FAT3: variants seen among roughly 807,000 people sequenced by gnomAD.
FAT3 encodes FAT atypical cadherin 3.
Under a neutral mutation model 310.2 loss-of-function variants are expected in FAT3, and 95 were observed. That is an observed-to-expected ratio of 0.31 (90% confidence interval 0.26 to 0.36). The LOEUF (loss-of-function observed/expected upper bound fraction) is 0.36. Among genes scored for constraint, FAT3 ranks in the 10% least tolerant of loss-of-function variants. FAT3 has a pLI of 1.00. For synonymous variants in FAT3, 2,314 were observed against 2,192.9 expected, an observed-to-expected ratio of 1.06 and a Z score of -1.54; for missense variants, 5,408 against 5,715.6, an observed-to-expected ratio of 0.95 and a Z score of 1.74.
At chr11:92,776,147 G>A (rs949661621) in intron 7 of FAT3, among the ~76,000 whole-genome samples, 7 of 152,132 alleles carry the variant, frequency 4.6e-5, no homozygotes, top group East Asian at 1.9e-4. Context: ...GCATGAAACC[G>A]TATTCATTTC....
chr11:92,486,129 GGTTTT>G (rs1388540981), intron 2 of FAT3, among the ~76,000 whole-genome samples: 6 of 27,684 alleles, frequency 2.2e-4, no homozygotes, highest in African/African-American at 5.1e-4. Context: ...AGGCTGCTGG[GGTTTT>G]TTTTTTTTTT....
At chr11:92,609,024 GGTTTATGAATGCTGCT>G (rs1940439754) in intron 3 of FAT3, among the ~76,000 whole-genome samples, 2 of 152,152 alleles carry the variant, frequency 1.3e-5, no homozygotes, top group African/African-American at 4.8e-5. Context: ...CTGTGGCCAT[GGTTTATGAATGCTGCT>G]GTTTATGAAT....
chr11:92,285,523 C>G (rs1274457792), intron 1 of FAT3, among the ~76,000 whole-genome samples: 1 of 152,034 alleles, frequency 6.6e-6, no homozygotes, highest in Admixed American at 6.6e-5. Context: ...GGGGAGTATC[C>G]CATTCTTACA....
intron 2 of FAT3, among the ~76,000 whole-genome samples, chr11:92,445,657 A>G (rs945263716): frequency 9.2e-5 from 14 of 152,162 alleles, no homozygotes; most frequent in African/African-American, 1.4e-4. Context: ...TTTGTTTTGC[A>G]TATATGAGTG....
intron 3 of FAT3, among the ~76,000 whole-genome samples, chr11:92,544,986 T>C (rs1213868002): frequency 1.3e-5 from 2 of 152,198 alleles, no homozygotes; most frequent in Non-Finnish European, 2.9e-5. Flanking sequence ...TTGGTGTCTG[T>C]CAAAGCCTCT....
intron 4 of FAT3, among the ~76,000 whole-genome samples, chr11:92,727,141 T>A (rs548877674): frequency 6.6e-6 from 1 of 152,342 alleles, no homozygotes; most frequent in African/African-American, 2.4e-5. Flanking sequence ...TTTAGCACAT[T>A]GATTTTTGGC....
chr11:92,355,505 A>G, intron 2 of FAT3, 101 bp downstream of exon 2: 1 of 1,201,068 alleles, frequency 8.3e-7, no homozygotes, highest in Non-Finnish European at 1.2e-6. Flanking sequence ...AGAATGACAA[A>G]TGAGGTTGCA....
At chr11:92,568,322 A>T (rs988690917) in intron 3 of FAT3, among the ~76,000 whole-genome samples, 2 of 152,176 alleles carry the variant, frequency 1.3e-5, no homozygotes, top group African/African-American at 4.8e-5. Context: ...TTGTCCCTTT[A>T]TCCATGAATT....
intron 1 of FAT3, among the ~76,000 whole-genome samples, chr11:92,254,785 A>G (rs1865251917): frequency 6.6e-6 from 1 of 152,020 alleles, no homozygotes; most frequent in African/African-American, 2.4e-5. Flanking sequence ...GGCTCACTGC[A>G]ACCTCCCCCT....
chr11:92,619,591 T>A (rs778400000), intron 3 of FAT3, among the ~76,000 whole-genome samples: 1 of 152,162 alleles, frequency 6.6e-6, no homozygotes, highest in Non-Finnish European at 1.5e-5. Flanking sequence ...CTGAGTCAAG[T>A]TTGGTATTTT....
chr11:92,625,335 G>A (rs1941280347), intron 3 of FAT3, among the ~76,000 whole-genome samples: 1 of 152,140 alleles, frequency 6.6e-6, no homozygotes, highest in Non-Finnish European at 1.5e-5. Context: ...GGAGGAGTGG[G>A]GCTCTGAAGA....
chr11:92,549,444 A>G (rs1954726253), intron 3 of FAT3, among the ~76,000 whole-genome samples: 1 of 152,234 alleles, frequency 6.6e-6, no homozygotes, highest in Non-Finnish European at 1.5e-5. Context: ...TTCAGCAGTC[A>G]TTGAAGTACC....
chr11:92,270,754 CCACTTAGAT>C lies in FAT3; in HGVS notation c.-18+45581_-18+45589del, dbSNP rs1433193524. Among the ~76,000 whole-genome samples, 4 of 151,862 alleles carry C rather than the reference CCACTTAGAT, an allele frequency of 2.6e-5. No individual in the cohort carries two copies. In the East Asian group the frequency reaches 7.8e-4, roughly 29 times the overall value. On this transcript the variant is annotated intron_variant, in intron 1 of 27. Transcript: ENST00000525166. Reference sequence around the variant, plus strand: ...TAAATCTATATATCCAATTGGACTCCCACTTAGATATTTGAGAAATATCATATACATACA... The same window carrying C: ...TAAATCTATATATCCAATTGGACTCCATTTGAGAAATATCATATACATACA...
chr11:92,664,847 C>T (rs1942901972), intron 3 of FAT3, among the ~76,000 whole-genome samples: 1 of 152,190 alleles, frequency 6.6e-6, no homozygotes, highest in Admixed American at 6.5e-5. Context: ...GAATTCCTCA[C>T]TTTCTATTTA....
intron 1 of FAT3, among the ~76,000 whole-genome samples, chr11:92,227,045 G>A (rs531512045): frequency 6.6e-6 from 1 of 152,332 alleles, no homozygotes; most frequent in African/African-American, 2.4e-5. Flanking sequence ...CGCCCAGGGG[G>A]AGGGGGCGAG....
chr11:92,237,352 A>G (rs1354892607), intron 1 of FAT3, among the ~76,000 whole-genome samples: 3 of 152,156 alleles, frequency 2.0e-5, no homozygotes, highest in African/African-American at 7.2e-5. Flanking sequence ...TGGATAGTAA[A>G]CAGGCAAGCT....
intron 2 of FAT3, among the ~76,000 whole-genome samples, chr11:92,423,467 G>A (rs991486083): frequency 2.6e-5 from 4 of 152,164 alleles, no homozygotes; most frequent in African/African-American, 9.7e-5. Context: ...TTAGCTCTGC[G>A]TGTAAGGAGA....
intron 2 of FAT3, among the ~76,000 whole-genome samples, chr11:92,479,825 A>G (rs1952168768): frequency 6.6e-6 from 1 of 152,144 alleles, no homozygotes; most frequent in Non-Finnish European, 1.5e-5. Flanking sequence ...CCTGTGTGGT[A>G]TCCTTCTCCC....
chr11:92,781,075 C>T (rs369236813), intron 7 of FAT3, among the ~76,000 whole-genome samples: 10 of 121,964 alleles, frequency 8.2e-5, no homozygotes, highest in Admixed American at 1.8e-4. Flanking sequence ...TTTCTTTATT[C>T]TTTTTTTTTT....
Sources: allele counts gnomAD v4.1 joint callset (sites outside exome capture counted in the v4.1 genomes callset), GRCh38; gene constraint gnomAD v4.1.1; transcripts MANE v1.5; gene names NCBI Gene and HGNC (gene_info 2026-07-23, HGNC 2026-07-21).